KIRREL3: variants seen among roughly 807,000 people sequenced by gnomAD.
KIRREL3 encodes kin of IRRE-like protein 3.
A neutral mutation model predicts 89.7 loss-of-function variants in KIRREL3; 36 were observed. The observed-to-expected ratio is 0.40, with a 90% confidence interval of 0.31 to 0.53. The LOEUF is 0.53. KIRREL3 is among the 20% of genes least tolerant of loss of function. The pLI is 0.49. For missense variants in KIRREL3, 864 were observed against 1,056.6 expected (o/e 0.82, Z 2.53); for synonymous variants, 445 against 441.4 (o/e 1.01, Z -0.10).
intron 1 of KIRREL3, among the ~76,000 whole-genome samples, chr11:126,882,674 G>A (rs151122756): frequency 4.6e-5 from 7 of 152,312 alleles, no homozygotes; most frequent in South Asian, 2.1e-4. Context: ...GGCAAGAGCC[G>A]ATCTTTGACA....
In KIRREL3 at chr11:126,651,085, C is replaced by T. The variant is rs987851557; in HGVS notation, c.56-88173G>A. Among the ~76,000 whole-genome samples, 4 of 152,146 alleles carry T rather than the reference C, an allele frequency of 2.6e-5. No individual in the cohort carries two copies. Among genetic ancestry groups the T allele is most frequent in the Admixed American group, 2.0e-4 (3 of 15,282 alleles). ...CCCCATGATTCAAATTATCTCCCAC[C>T]GGGTCCCTCCCACAACACATAGGAA... On this transcript the variant is annotated intron_variant, in intron 1 of 16. Coordinates refer to ENST00000525144, the MANE Select transcript of KIRREL3 (RefSeq NM_032531.4). This position sits in a 1 kb window ranked among gnomAD's most constrained non-coding sequence, Gnocchi z 4.6.
intron 1 of KIRREL3, among the ~76,000 whole-genome samples, chr11:126,573,849 G>A (rs905681673): frequency 1.3e-5 from 2 of 152,194 alleles, no homozygotes; most frequent in Non-Finnish European, 2.9e-5. Flanking sequence ...GGTGGCAGCA[G>A]ATCCGCGGGG....
chr11:126,978,916 G>A lies in KIRREL3; in HGVS notation c.55+21539C>T, dbSNP rs563557618. Reference sequence around the variant, plus strand: ...TACATTGAGGTACACCTGCCTTTCTGAAAGTTTGGCAGGTTTCCCAGTGTG... The same window carrying A: ...TACATTGAGGTACACCTGCCTTTCTAAAAGTTTGGCAGGTTTCCCAGTGTG... On this transcript the variant is annotated intron_variant, in intron 1 of 16. Transcript: ENST00000525144. This position sits in a 1 kb window ranked among gnomAD's most constrained non-coding sequence, Gnocchi z 4.2. 6.6e-6 allele frequency among the ~76,000 whole-genome samples: 1 copy of A among 152,300 alleles called. No individual in the cohort carries two copies. The highest frequency in any genetic ancestry group is 2.4e-5 in the African/African-American group (1 of 41,566).
rs546544981 is a variant in KIRREL3, at chr11:126,437,929, C to A, written c.1354-920G>T. ...CTCACACACACAAGTACACACACTA[C>A]CAACAGATACACATGTTCACACATG... is the stretch of plus-strand genomic sequence containing the variant. On this transcript the variant is annotated intron_variant, in intron 11 of 16. Transcript: ENST00000525144. 2.0e-4 allele frequency among the ~76,000 whole-genome samples: 31 copies of A among 152,320 alleles called. 1 individual carries two copies. The highest frequency in any genetic ancestry group is 3.4e-3 in the Middle Eastern group (1 of 294).
rs1414731469 is a variant in KIRREL3, at chr11:126,997,785, A to G, written c.55+2670T>C. On this transcript the variant is annotated intron_variant, in intron 1 of 16. Transcript: ENST00000525144. This position sits in a 1 kb window ranked among gnomAD's most constrained non-coding sequence, Gnocchi z 4.3. ...GGAGCTTGGGAATCTTGTTCCCAGA[A>G]ACTCCTAAGTGCCATGCAGATTCCC... is the stretch of plus-strand genomic sequence containing the variant. 6.6e-6 allele frequency among the ~76,000 whole-genome samples: 1 copy of G among 152,176 alleles called. No individual in the cohort carries two copies. The highest frequency in any genetic ancestry group is 1.5e-5 in the Non-Finnish European group (1 of 68,038).
intron 1 of KIRREL3, among the ~76,000 whole-genome samples, chr11:126,854,126 T>TTGTG (rs375873911): frequency 0.086 from 12,387 of 143,776 alleles, 681 homozygotes; most frequent in African/African-American, 0.15. Context: ...AATAAGTTTC[T>TTGTG]TGTGTGTGTG....
At position 126,897,596 on chromosome 11, in the gene KIRREL3, T is replaced by C. The variant is rs2134815514; in HGVS notation, c.55+102859A>G. On this transcript the variant is annotated intron_variant, in intron 1 of 16. Coordinates refer to ENST00000525144, the MANE Select transcript of KIRREL3 (RefSeq NM_032531.4). This position sits in a 1 kb window ranked among gnomAD's most constrained non-coding sequence, Gnocchi z 4.2. ...TTGTATATAGCAGACCATTAGGGTA[T>C]TTTTATTTCTCTTCTCTCCATGTTG... 6.6e-6 allele frequency among the ~76,000 whole-genome samples: 1 copy of C among 152,304 alleles called. No individual in the cohort carries two copies. The highest frequency in any genetic ancestry group is 1.5e-5 in the Non-Finnish European group (1 of 68,026).
rs544946730 is a variant in KIRREL3, at chr11:126,898,508, C to T, written c.55+101947G>A. On this transcript the variant is annotated intron_variant, in intron 1 of 16. Transcript: ENST00000525144. This position sits in a 1 kb window ranked among gnomAD's most constrained non-coding sequence, Gnocchi z 4.9. ...GGATAATGAAATTTTGTGAATGCAGCAATTAGAAACAATGAAGTGGGCAGA... is the reference window on the plus strand; with the variant it reads ...GGATAATGAAATTTTGTGAATGCAGTAATTAGAAACAATGAAGTGGGCAGA... Among the ~76,000 whole-genome samples, 2 of 152,250 alleles carry T rather than the reference C, an allele frequency of 1.3e-5. No homozygotes were observed. Among genetic ancestry groups the T allele is most frequent in the East Asian group, 3.9e-4 (2 of 5,174 alleles).
In KIRREL3 at chr11:126,828,940, C is replaced by G. The variant is rs374876590; in HGVS notation, c.55+171515G>C. 1.2e-3 allele frequency among the ~76,000 whole-genome samples: 184 copies of G among 152,244 alleles called. 3 individuals carry two copies. In the South Asian group the frequency reaches 0.036, roughly 30 times the overall value. Reference sequence around the variant, plus strand: ...CAGTGAGATGGGAAACCAGGAGAAGCCAGCAGGAGAGACAGTATTGAGGCC... The same window carrying G: ...CAGTGAGATGGGAAACCAGGAGAAGGCAGCAGGAGAGACAGTATTGAGGCC... On this transcript the variant is annotated intron_variant, in intron 1 of 16. Coordinates refer to ENST00000525144, the MANE Select transcript of KIRREL3 (RefSeq NM_032531.4).
At chr11:126,941,997 C>G (rs1375500108) in intron 1 of KIRREL3, among the ~76,000 whole-genome samples, 1 of 152,180 alleles carries the variant, frequency 6.6e-6, no homozygotes, top group African/African-American at 2.4e-5. Flanking sequence ...GAGCAGGGTT[C>G]AGAAGAACTG....
intron 11 of KIRREL3, among the ~76,000 whole-genome samples, chr11:126,437,900 T>C (rs961560334): frequency 2.0e-5 from 3 of 152,096 alleles, no homozygotes; most frequent in Non-Finnish European, 2.9e-5. Flanking sequence ...ACACACACCA[T>C]GTGCTCACAC....
intron 1 of KIRREL3, among the ~76,000 whole-genome samples, chr11:126,638,600 G>A (rs1239489661): frequency 6.6e-6 from 1 of 152,170 alleles, no homozygotes; most frequent in Non-Finnish European, 1.5e-5. Flanking sequence ...GGCGGGCTGG[G>A]GTGGGTAGCC....
Position 126,576,277 on chromosome 11 carries a change from C to T in KIRREL3, c.56-13365G>A, listed in dbSNP as rs151176051. 8.5e-5 allele frequency among the ~76,000 whole-genome samples: 13 copies of T among 152,334 alleles called. No homozygotes were observed. Among genetic ancestry groups the T allele is most frequent in the Admixed American group, 2.0e-4 (3 of 15,304 alleles). On this transcript the variant is annotated intron_variant, in intron 1 of 16. Transcript: ENST00000525144. The surrounding 1 kb of genome is among the most constrained non-coding windows in gnomAD (Gnocchi z 5.4). Reference sequence around the variant, plus strand: ...TTCCTTTTACAGAACTATAAGTCAGCCTCAGGTATGGGTCAGCTTTATGTA... The same window carrying T: ...TTCCTTTTACAGAACTATAAGTCAGTCTCAGGTATGGGTCAGCTTTATGTA...
At chr11:126,470,713 A>G (rs1392025195) in intron 5 of KIRREL3, among the ~76,000 whole-genome samples, 2 of 152,174 alleles carry the variant, frequency 1.3e-5, no homozygotes, top group African/African-American at 4.8e-5. Context: ...CTGGGCCCCC[A>G]GCTGCGGAGC....
In KIRREL3 at chr11:126,869,078, A is replaced by T. The variant is rs567954481; in HGVS notation, c.55+131377T>A. On this transcript the variant is annotated intron_variant, in intron 1 of 16. Transcript: ENST00000525144. ...GTTTCAACATATGAATTTTGAGGGG[A>T]CATAAACATTCAGTCCATTGTATCT... is the stretch of plus-strand genomic sequence containing the variant. 2.0e-5 allele frequency among the ~76,000 whole-genome samples: 3 copies of T among 152,048 alleles called. No individual in the cohort carries two copies. In the South Asian group the frequency reaches 6.2e-4, roughly 32 times the overall value.
rs1182297188 is a variant in KIRREL3, at chr11:126,685,409, A to C, written c.56-122497T>G. 6.6e-6 allele frequency among the ~76,000 whole-genome samples: 1 copy of C among 152,166 alleles called. No individual in the cohort carries two copies. The highest frequency in any genetic ancestry group is 2.1e-4 in the South Asian group (1 of 4,820). On this transcript the variant is annotated intron_variant, in intron 1 of 16. Transcript: ENST00000525144. The surrounding 1 kb of genome is among the most constrained non-coding windows in gnomAD (Gnocchi z 5.5). ...GGAGATGGGGTAGCTGCCTTACCAG[A>C]GAGAGCGGGATTTCTCAGACACTGC... is the stretch of plus-strand genomic sequence containing the variant.
intron 1 of KIRREL3, among the ~76,000 whole-genome samples, chr11:126,899,024 G>A (rs753292696): frequency 4.0e-5 from 6 of 150,884 alleles, no homozygotes; most frequent in Non-Finnish European, 5.9e-5. Flanking sequence ...GGGGTCTCTC[G>A]CATTCCTGAG....
intron 1 of KIRREL3, among the ~76,000 whole-genome samples, chr11:126,998,916 AGTGTGTGTGTGTGTGTGT>A (rs10561880): frequency 5.3e-4 from 75 of 141,328 alleles, no homozygotes; most frequent in Admixed American, 1.3e-3. Flanking sequence ...GACGAATGGG[AGTGTGTGTGTGTGTGTGT>A]GTGTGTGTGT....
In KIRREL3 at chr11:126,754,459, A is replaced by T. The variant is rs942332206; in HGVS notation, c.56-191547T>A. ...TGCCTGGTTGAAGGGCTTTCTTTTG[A>T]TAATGCTAATTAACATGCACAGAAA... is the stretch of plus-strand genomic sequence containing the variant. On this transcript the variant is annotated intron_variant, in intron 1 of 16. Coordinates refer to ENST00000525144, the MANE Select transcript of KIRREL3 (RefSeq NM_032531.4). This position sits in a 1 kb window ranked among gnomAD's most constrained non-coding sequence, Gnocchi z 5.1. Among the ~76,000 whole-genome samples the T allele has an allele frequency of 1.3e-5, 2 of 152,146 alleles. No individual in the cohort carries two copies. The highest frequency in any genetic ancestry group is 3.8e-4 in the East Asian group (2 of 5,198).
Sources: allele counts gnomAD v4.1 joint callset (sites outside exome capture counted in the v4.1 genomes callset), GRCh38; gene constraint gnomAD v4.1.1; non-coding constraint Gnocchi (gnomAD v3.1); transcripts MANE v1.5; gene names NCBI Gene and HGNC (gene_info 2026-07-23, HGNC 2026-07-21).